Variants in DOK6 observed in about 807,000 individuals in gnomAD.
The protein encoded by DOK6 is docking protein 6, also known as downstream of tyrosine kinase 6.
DOK6 carries 22 observed loss-of-function variants against 44.0 expected under a neutral mutation model. The observed-to-expected ratio is 0.50, with a 90% confidence interval of 0.36 to 0.71. The LOEUF (loss-of-function observed/expected upper bound fraction) is 0.71. DOK6 is among the 30% of genes least tolerant of loss of function. DOK6 has a pLI of 0.00. For synonymous variants in DOK6, 166 were observed against 145.5 expected (o/e 1.14, Z -1.01); for missense variants, 340 against 416.4 (o/e 0.82, Z 1.60).
At chr18:69,599,562 G>A in intron 3 of DOK6, 64 bp downstream of exon 3, 1 of 1,331,868 alleles carries the variant, frequency 7.5e-7, no homozygotes, top group East Asian at 2.4e-5. Context: ...AATGGCCCAG[G>A]CGGATTAAGG....
At chr18:69,794,827 C>T (rs1159493956) in intron 7 of DOK6, among the ~76,000 whole-genome samples, 1 of 152,042 alleles carries the variant, frequency 6.6e-6, no homozygotes, top group African/African-American at 2.4e-5. Context: ...AAGCATGAAC[C>T]CTATTGTGAA....
At chr18:69,794,748 A>G (rs1599329254) in intron 7 of DOK6, among the ~76,000 whole-genome samples, 2 of 152,152 alleles carry the variant, frequency 1.3e-5, no homozygotes, top group Admixed American at 6.6e-5. Context: ...GCCGCTCCCC[A>G]TCACTCACAT....
chr18:69,582,637 A>G (rs1350258243), intron 2 of DOK6, among the ~76,000 whole-genome samples: 4 of 152,016 alleles, frequency 2.6e-5, no homozygotes, highest in Non-Finnish European at 5.9e-5. Context: ...ATAATATTTG[A>G]TTAATCTGTT....
chr18:69,407,393 T>A (rs1382181620), intron 1 of DOK6, among the ~76,000 whole-genome samples: 1 of 152,176 alleles, frequency 6.6e-6, no homozygotes, highest in Non-Finnish European at 1.5e-5. Flanking sequence ...TTAAATAAGA[T>A]AAAATAATTA....
At chr18:69,644,334 C>T (rs72961477) in intron 3 of DOK6, among the ~76,000 whole-genome samples, 7,916 of 152,148 alleles carry the variant, frequency 0.052, 253 homozygotes, top group Middle Eastern at 0.095. Flanking sequence ...GAACTCTTTG[C>T]GTACTCTTAA....
chr18:69,420,117 C>T (rs974868310), intron 1 of DOK6, among the ~76,000 whole-genome samples: 2 of 151,052 alleles, frequency 1.3e-5, no homozygotes, highest in African/African-American at 4.9e-5. Context: ...GCTTTTTAAC[C>T]AATAAAACAT....
chr18:69,438,096 G>A (rs1403283492), intron 1 of DOK6, among the ~76,000 whole-genome samples: 2 of 152,108 alleles, frequency 1.3e-5, no homozygotes, highest in Non-Finnish European at 2.9e-5. Context: ...TGAAAGTTGG[G>A]GTGGGTGTGG....
intron 1 of DOK6, among the ~76,000 whole-genome samples, chr18:69,459,444 A>C (rs1200489947): frequency 1.3e-5 from 2 of 152,220 alleles, no homozygotes; most frequent in South Asian, 4.1e-4. Flanking sequence ...TTATTGACCA[A>C]TCTTTATCAA....
At chr18:69,684,498 G>C (rs910645326) in intron 4 of DOK6, among the ~76,000 whole-genome samples, 9 of 152,284 alleles carry the variant, frequency 5.9e-5, no homozygotes, top group Non-Finnish European at 1.3e-4. Flanking sequence ...AGTATTCACA[G>C]CTATGTAAGG....
At chr18:69,592,945 A>T (rs12961203) in intron 2 of DOK6, among the ~76,000 whole-genome samples, 2 of 151,992 alleles carry the variant, frequency 1.3e-5, no homozygotes, top group Non-Finnish European at 2.9e-5. Flanking sequence ...GTAAGTAAAT[A>T]CAGAGTTTCC....
At chr18:69,524,591 A>G (rs576107453) in intron 1 of DOK6, among the ~76,000 whole-genome samples, 6 of 152,100 alleles carry the variant, frequency 3.9e-5, no homozygotes, top group African/African-American at 1.4e-4. Context: ...AAATATACAA[A>G]ATAAATCTAG....
At chr18:69,807,367 A>G (rs1284101107) in intron 7 of DOK6, among the ~76,000 whole-genome samples, 1 of 152,006 alleles carries the variant, frequency 6.6e-6, no homozygotes, top group East Asian at 1.9e-4. Context: ...AGACAACAAG[A>G]GATGAAGAAC....
In DOK6 at chr18:69,623,072, T is replaced by A. The variant is rs141203729; in HGVS notation, c.289+23574T>A. Among the ~76,000 whole-genome samples, 304 of 152,304 alleles carry A rather than the reference T, an allele frequency of 2.0e-3. 1 individual carries two copies. The highest frequency in any genetic ancestry group is 7.1e-3 in the African/African-American group (295 of 41,562). The stretch of plus-strand genomic sequence containing the variant: ...GAATTATGGGGGGTGGACTTCTCCC[T>A]TACTGTTCTCATGACAGAGTTCTCA... On this transcript the variant is annotated intron_variant, in intron 3 of 7. Transcript: ENST00000382713.
chr18:69,587,423 C>T, intron 2 of DOK6, among the ~76,000 whole-genome samples: 1 of 152,252 alleles, frequency 6.6e-6, no homozygotes, highest in Admixed American at 6.5e-5. Context: ...CTTGTAAAGA[C>T]ACTTGCCATT....
chr18:69,807,383 A>G (rs1293790784), intron 7 of DOK6, among the ~76,000 whole-genome samples: 1 of 152,030 alleles, frequency 6.6e-6, no homozygotes, highest in East Asian at 1.9e-4. Flanking sequence ...AGAACGCAGC[A>G]AATGATCTAC....
rs1568338951 is a variant in DOK6, at chr18:69,704,474, A to ATT, written c.599+5881_599+5882insTT. 1.6e-4 allele frequency among the ~76,000 whole-genome samples: 10 copies of ATT among 62,176 alleles called. No individual in the cohort carries two copies. The East Asian group carries it at 4.7e-3, about 29-fold the overall frequency. The allele number at this position is 62,176 out of a possible 152,430, so 40.8% of individuals were successfully genotyped here. On this transcript the variant is annotated intron_variant, in intron 5 of 7. Coordinates refer to ENST00000382713, the MANE Select transcript of DOK6 (RefSeq NM_152721.6). ...AGTGTGTACATCAGGTCCAGATATGACTTTTTTTTTTTTTTTTTTTTGGAG... is the reference window on the plus strand; with the variant it reads ...AGTGTGTACATCAGGTCCAGATATGATTCTTTTTTTTTTTTTTTTTTTTGGAG...
intron 1 of DOK6, among the ~76,000 whole-genome samples, chr18:69,466,869 GA>G (rs1266188155): frequency 2.6e-5 from 4 of 152,018 alleles, no homozygotes; most frequent in Non-Finnish European, 5.9e-5. Context: ...TGTCCGTAAT[GA>G]AATATTCTTT....
At chr18:69,563,651 CG>C (rs1343916351) in intron 1 of DOK6, among the ~76,000 whole-genome samples, 1 of 94,834 alleles carries the variant, frequency 1.1e-5, no homozygotes, top group African/African-American at 4.7e-5. Flanking sequence ...GGGCCTGTTG[CG>C]GGGTGGGGGG....
chr18:69,712,611 G>A (rs1390738970), intron 5 of DOK6, among the ~76,000 whole-genome samples: 2 of 152,162 alleles, frequency 1.3e-5, no homozygotes, highest in African/African-American at 4.8e-5. Context: ...TTGGGAGGCT[G>A]AGGCAGGCAG....
Sources: gnomAD v4.1 joint callset for allele counts (sites outside exome capture counted in the v4.1 genomes callset) on GRCh38, gnomAD v4.1.1 for gene constraint, MANE v1.5 for transcripts, NCBI Gene and HGNC (gene_info 2026-07-23, HGNC 2026-07-21) for gene names.